The following PDE7B variants were observed in gnomAD, a reference collection of about 807,000 sequenced individuals.
PDE7B encodes the protein phosphodiesterase 7B.
In PDE7B, 29 loss-of-function variants were observed where a neutral mutation model predicts 56.2. The observed-to-expected ratio is 0.52, with a 90% CI of 0.38 to 0.70. The LOEUF is 0.70. Among genes scored for constraint, PDE7B ranks in the 30% least tolerant of loss-of-function variants. PDE7B has a pLI of 0.00. For missense variants in PDE7B, 490 were observed against 565.0 expected, an observed-to-expected ratio of 0.87 and a Z score of 1.35; for synonymous variants, 197 against 196.9, an observed-to-expected ratio of 1.00 and a Z score of 0.00.
chr6:135,962,798 A>C (rs1283961475), intron 2 of PDE7B, among the ~76,000 whole-genome samples: 1 of 152,134 alleles, frequency 6.6e-6, no homozygotes, highest in Non-Finnish European at 1.5e-5. Context: ...AAGTCACCTG[A>C]CCCCAAACAA....
chr6:135,906,047 A>C (rs935134095), intron 1 of PDE7B, among the ~76,000 whole-genome samples: 3 of 152,132 alleles, frequency 2.0e-5, no homozygotes, highest in Admixed American at 1.3e-4. Context: ...CTGCTGTTTC[A>C]AAAGTACAAC....
intron 1 of PDE7B, among the ~76,000 whole-genome samples, chr6:135,862,416 T>C (rs1361097359): frequency 1.3e-5 from 2 of 151,858 alleles, no homozygotes; most frequent in Non-Finnish European, 3.0e-5. Context: ...CACTCATTAC[T>C]CTGTTTCTGA....
At chr6:136,134,342 T>C (rs772743016) in intron 3 of PDE7B, among the ~76,000 whole-genome samples, 43 of 151,974 alleles carry the variant, frequency 2.8e-4, no homozygotes, top group Non-Finnish European at 5.0e-4. Context: ...AACTACAGAG[T>C]TAATGCAGCA....
In PDE7B at chr6:136,147,505, A is replaced by T. The variant is rs1002982135; in HGVS notation, c.318+3A>T. The T allele has an allele frequency of 1.2e-6, 2 of 1,613,106 alleles. No homozygotes were observed. Among genetic ancestry groups the T allele is most frequent in the African/African-American group, 2.7e-5 (2 of 74,914 alleles). On this transcript the variant is annotated splice_donor_region_variant and intron_variant, in intron 4 of 12. Coordinates refer to ENST00000308191, the MANE Select transcript of PDE7B (RefSeq NM_018945.4). Reference sequence around the variant, plus strand: ...AAGACTACCTTGGACAAGCAAGGGTAAGCTGACTGCCCCATCTCCTCACAG... The same window carrying T: ...AAGACTACCTTGGACAAGCAAGGGTTAGCTGACTGCCCCATCTCCTCACAG...
chr6:136,109,943 C>T (rs1267610565), intron 3 of PDE7B, among the ~76,000 whole-genome samples: 1 of 152,166 alleles, frequency 6.6e-6, no homozygotes, highest in Non-Finnish European at 1.5e-5. Context: ...TTTCCTTTGA[C>T]ATAAATAAGC....
At chr6:136,185,275 G>T (rs1441522806) in intron 11 of PDE7B, among the ~76,000 whole-genome samples, 1 of 152,026 alleles carries the variant, frequency 6.6e-6, no homozygotes, top group Non-Finnish European at 1.5e-5. Context: ...GCCTCTGTAG[G>T]GCTTCAGCTC....
intron 8 of PDE7B, among the ~76,000 whole-genome samples, chr6:136,160,505 G>A (rs964871481): frequency 2.0e-5 from 3 of 152,144 alleles, no homozygotes; most frequent in African/African-American, 7.2e-5. Context: ...ATGCAAGCCT[G>A]CTCGCCACCC....
intron 2 of PDE7B, among the ~76,000 whole-genome samples, chr6:135,981,866 CAT>C (rs1348485903): frequency 6.6e-6 from 1 of 151,570 alleles, no homozygotes; most frequent in African/African-American, 2.4e-5. Context: ...TATCAAATAT[CAT>C]GTGCTGTACA....
At position 135,852,034 on chromosome 6, in the gene PDE7B, T is replaced by G. The variant is rs749110748; in HGVS notation, c.21+15T>G. The G allele has an allele frequency of 1.3e-5, 20 of 1,592,920 alleles. No individual in the cohort carries two copies. The African/African-American group carries it at 1.7e-4, about 14-fold the overall frequency. ...TAATGGTTGAGGTATGTACAACAAA[T>G]TTAAGCGGCAAGCTCAGTTTTCTTG... On this transcript the variant is annotated intron_variant, in intron 1 of 12. Coordinates refer to ENST00000308191, the MANE Select transcript of PDE7B (RefSeq NM_018945.4).
At chr6:136,017,232 T>C (rs1334986994) in intron 2 of PDE7B, among the ~76,000 whole-genome samples, 1 of 152,198 alleles carries the variant, frequency 6.6e-6, no homozygotes, top group Admixed American at 6.5e-5. Context: ...GTAACTTAAA[T>C]AGGAAGTATT....
chr6:136,179,858 T>C (rs1179856837), intron 10 of PDE7B, among the ~76,000 whole-genome samples: 1 of 152,224 alleles, frequency 6.6e-6, no homozygotes, highest in Admixed American at 6.5e-5. Flanking sequence ...TTGAACTGAA[T>C]TGAATTACAT....
intron 2 of PDE7B, among the ~76,000 whole-genome samples, chr6:135,995,979 C>T (rs1340889713): frequency 6.6e-6 from 1 of 152,074 alleles, no homozygotes; most frequent in Non-Finnish European, 1.5e-5. Context: ...CACATGCACA[C>T]ACACAGAGAA....
chr6:135,858,739 G>C (rs1437026473), intron 1 of PDE7B, among the ~76,000 whole-genome samples: 1 of 151,560 alleles, frequency 6.6e-6, no homozygotes, highest in Admixed American at 6.6e-5. Flanking sequence ...AATTATTTGA[G>C]ATCTTTCTCC....
At chr6:135,990,449 AG>A (rs1185971208) in intron 2 of PDE7B, among the ~76,000 whole-genome samples, 1 of 152,132 alleles carries the variant, frequency 6.6e-6, no homozygotes, top group Non-Finnish European at 1.5e-5. Context: ...TTAATTTTGA[AG>A]ACCATGAGCT....
At position 136,149,069 on chromosome 6, in the gene PDE7B, TTTTG is replaced by T. The variant is rs1166672511; in HGVS notation, c.319-13_319-10del. 2.5e-6 allele frequency: 4 copies of T among 1,596,274 alleles called. No homozygotes were observed. The South Asian group carries it at 4.4e-5, about 18-fold the overall frequency. Reference sequence around the variant, plus strand: ...CAGTGTGATTCATTTGCGTGCTGTTTTTTGTTTGCCTTTTCAGCATATGCTCTCC... The same window carrying T: ...CAGTGTGATTCATTTGCGTGCTGTTTTTTGCCTTTTCAGCATATGCTCTCC... On this transcript the variant is annotated splice_polypyrimidine_tract_variant and intron_variant, in intron 4 of 12. Coordinates refer to ENST00000308191, the MANE Select transcript of PDE7B (RefSeq NM_018945.4).
intron 8 of PDE7B, among the ~76,000 whole-genome samples, chr6:136,165,036 G>T (rs1019131086): frequency 1.3e-5 from 2 of 152,140 alleles, no homozygotes; most frequent in Non-Finnish European, 2.9e-5. Context: ...TGAAAGTTTA[G>T]ATATCAACTC....
At chr6:135,993,434 A>G (rs1412652236) in intron 2 of PDE7B, among the ~76,000 whole-genome samples, 1 of 152,162 alleles carries the variant, frequency 6.6e-6, no homozygotes, top group Non-Finnish European at 1.5e-5. Flanking sequence ...ATCAGGCTCA[A>G]GCACTGATAT....
At chr6:135,980,270 C>T (rs1214784800) in intron 2 of PDE7B, among the ~76,000 whole-genome samples, 1 of 152,274 alleles carries the variant, frequency 6.6e-6, no homozygotes, top group East Asian at 1.9e-4. Flanking sequence ...CCCTTCCTTA[C>T]ACCTTATACA....
At chr6:135,896,161 C>T (rs6570053) in intron 1 of PDE7B, among the ~76,000 whole-genome samples, 2 of 151,970 alleles carry the variant, frequency 1.3e-5, no homozygotes, top group East Asian at 1.9e-4. Context: ...TATATGAAAA[C>T]GCGGGGAGAG....
Sources: gnomAD v4.1 joint callset for allele counts (sites outside exome capture counted in the v4.1 genomes callset) on GRCh38, gnomAD v4.1.1 for gene constraint, MANE v1.5 for transcripts, NCBI Gene and HGNC (gene_info 2026-07-23, HGNC 2026-07-21) for gene names.